The following NAALADL2 variants were observed in gnomAD, a reference collection of about 807,000 sequenced individuals.
NAALADL2 encodes inactive N-acetylated-alpha-linked acidic dipeptidase-like protein 2.
NAALADL2 carries 76 observed loss-of-function variants against 87.2 expected under a neutral mutation model. That is an observed-to-expected ratio of 0.87 (90% CI 0.72 to 1.05). NAALADL2 has a LOEUF of 1.05. NAALADL2 is among the 50% of genes least tolerant of loss of function. The probability of loss-of-function intolerance (pLI) is 0.00; values close to 1 mark genes in which losing one functional copy is unlikely to be tolerated. For synonymous variants in NAALADL2, 354 were observed against 331.0 expected (o/e 1.07, Z -0.75); for missense variants, 1,089 against 945.8 (o/e 1.15, Z -1.99).
At chr3:174,781,560 G>A (rs115750878) in intron 3 of NAALADL2, among the ~76,000 whole-genome samples, 58 of 152,006 alleles carry the variant, frequency 3.8e-4, no homozygotes, top group Non-Finnish European at 5.1e-4. Flanking sequence ...AATAAGTTCC[G>A]TAGGAATTAT....
chr3:175,121,975 G>T, intron 2 of NAALADL2, among the ~76,000 whole-genome samples: 1 of 151,652 alleles, frequency 6.6e-6, no homozygotes, highest in East Asian at 1.9e-4. Context: ...TGTCTTTACT[G>T]CCACAATGGC....
At position 175,153,534 on chromosome 3, in the gene NAALADL2, C is replaced by A. The variant is rs1580714031; in HGVS notation, c.545+56243C>A. On this transcript the variant is annotated intron_variant, in intron 2 of 13. Transcript: ENST00000454872. ...CCCTTTCTGCTGTAGGGACACTGGG[C>A]CAGCACTGATCTAACTTTTCCCACA... Among the ~76,000 whole-genome samples, 5 of 152,252 alleles carry A rather than the reference C, an allele frequency of 3.3e-5. 1 individual carries two copies. The highest frequency in any genetic ancestry group is 3.3e-4 in the Admixed American group (5 of 15,280).
At chr3:175,192,751 AT>A (rs1424165890) in intron 2 of NAALADL2, among the ~76,000 whole-genome samples, 1 of 152,064 alleles carries the variant, frequency 6.6e-6, no homozygotes, top group Admixed American at 6.6e-5. Context: ...CTCCTATCCA[AT>A]GTATACTCAT....
At chr3:174,669,918 A>G (rs917598758) in intron 2 of NAALADL2, among the ~76,000 whole-genome samples, 4 of 151,852 alleles carry the variant, frequency 2.6e-5, no homozygotes, top group African/African-American at 9.7e-5. Context: ...TCTTTCAACA[A>G]TGTTTTCTAT....
intron 11 of NAALADL2, among the ~76,000 whole-genome samples, chr3:175,633,235 C>T (rs1160763443): frequency 2.0e-5 from 3 of 152,072 alleles, no homozygotes; most frequent in Admixed American, 1.3e-4. Context: ...GCCCAATCCT[C>T]AGATCTTTGC....
intron 6 of NAALADL2, among the ~76,000 whole-genome samples, chr3:175,462,186 G>A (rs1243525112): frequency 6.6e-6 from 1 of 152,168 alleles, no homozygotes; most frequent in Non-Finnish European, 1.5e-5. Flanking sequence ...GGGAGACAGA[G>A]GGTATTGGGG....
At chr3:174,858,539 A>C (rs1726104780), upstream of NAALADL2, among the ~76,000 whole-genome samples, 1 of 152,050 alleles carries the variant, frequency 6.6e-6, no homozygotes, top group Non-Finnish European at 1.5e-5. Context: ...ACCTTGAGGC[A>C]ACTCAGGATT....
chr3:174,830,696 G>A (rs1722573417), intron 3 of NAALADL2, among the ~76,000 whole-genome samples: 2 of 152,088 alleles, frequency 1.3e-5, no homozygotes, highest in Admixed American at 6.5e-5. Flanking sequence ...ATTACCTTGG[G>A]CAGTATGGCC....
rs990034104 is a variant in NAALADL2, at chr3:175,736,374, G to A, written c.1897-932G>A. Reference sequence around the variant, plus strand: ...TCTAGAAAATTATAAAAATTAAAAAGCAATTAGGAATAGAATAAAAGCATG... The same window carrying A: ...TCTAGAAAATTATAAAAATTAAAAAACAATTAGGAATAGAATAAAAGCATG... On this transcript the variant is annotated intron_variant, in intron 11 of 13. Coordinates refer to ENST00000454872, the MANE Select transcript of NAALADL2 (RefSeq NM_207015.3). 1.2e-4 allele frequency among the ~76,000 whole-genome samples: 18 copies of A among 152,254 alleles called. 1 individual carries two copies. Among genetic ancestry groups the A allele is most frequent in the Non-Finnish European group, 2.4e-4 (16 of 68,002 alleles).
intron 2 of NAALADL2, among the ~76,000 whole-genome samples, chr3:175,126,047 C>T (rs945819872): frequency 2.0e-5 from 3 of 152,132 alleles, no homozygotes; most frequent in Non-Finnish European, 2.9e-5. Flanking sequence ...TCAAAATGCC[C>T]TTGCTATACA....
intron 4 of NAALADL2, among the ~76,000 whole-genome samples, chr3:175,295,866 G>A (rs189506490): frequency 6.6e-5 from 10 of 151,700 alleles, no homozygotes; most frequent in South Asian, 6.3e-4. Flanking sequence ...ATCATTTATC[G>A]TTCCTTGCCT....
At chr3:174,584,604 C>T (rs1489048648) in intron 2 of NAALADL2, among the ~76,000 whole-genome samples, 1 of 151,714 alleles carries the variant, frequency 6.6e-6, no homozygotes, top group Admixed American at 6.6e-5. Context: ...GGTCAGATTC[C>T]CTAGGTCTAA....
chr3:175,103,215 T>A (rs1183581970), intron 2 of NAALADL2, among the ~76,000 whole-genome samples: 2 of 152,162 alleles, frequency 1.3e-5, no homozygotes, highest in Non-Finnish European at 2.9e-5. Flanking sequence ...ATTTTAGTAA[T>A]TACTTAATAT....
At chr3:175,259,478 A>G (rs1750645125) in intron 4 of NAALADL2, among the ~76,000 whole-genome samples, 1 of 152,178 alleles carries the variant, frequency 6.6e-6, no homozygotes, top group South Asian at 2.1e-4. Context: ...GTGTTTCAGG[A>G]AAAATGAACC....
intron 1 of NAALADL2, among the ~76,000 whole-genome samples, chr3:175,049,517 C>T (rs1234455489): frequency 6.6e-6 from 1 of 152,198 alleles, no homozygotes; most frequent in Admixed American, 6.5e-5. Flanking sequence ...CCTGGCCAGC[C>T]AATGCTATCG....
chr3:175,482,371 G>A (rs571741638), intron 9 of NAALADL2, among the ~76,000 whole-genome samples: 12 of 150,326 alleles, frequency 8.0e-5, no homozygotes, highest in African/African-American at 2.7e-4. Flanking sequence ...ATATGGAACC[G>A]TAGACTGCAG....
At chr3:175,306,192 C>A (rs1473164173) in intron 4 of NAALADL2, among the ~76,000 whole-genome samples, 2 of 152,090 alleles carry the variant, frequency 1.3e-5, no homozygotes, top group East Asian at 3.8e-4. Flanking sequence ...CATTATTACA[C>A]ACACTTTTTT....
rs1453549826 is a variant in NAALADL2, at chr3:175,732,902, G to A, written c.1897-4404G>A. 4.0e-5 allele frequency among the ~76,000 whole-genome samples: 6 copies of A among 151,708 alleles called. No individual in the cohort carries two copies. The South Asian group carries it at 8.3e-4, about 21-fold the overall frequency. On this transcript the variant is annotated intron_variant, in intron 11 of 13. Coordinates refer to ENST00000454872, the MANE Select transcript of NAALADL2 (RefSeq NM_207015.3). ...GGAACAACACACGCTGGGGTCTGTC[G>A]GGGGGTAGGGTGGTGGGAGGGGAGA...
At chr3:174,943,086 C>G (rs1738856988) in intron 1 of NAALADL2, among the ~76,000 whole-genome samples, 1 of 152,142 alleles carries the variant, frequency 6.6e-6, no homozygotes, top group Admixed American at 6.6e-5. Context: ...TTGGTGTGGT[C>G]AGTTGGAAGA....
Sources: allele counts gnomAD v4.1 joint callset (sites outside exome capture counted in the v4.1 genomes callset), GRCh38; gene constraint gnomAD v4.1.1; transcripts MANE v1.5; gene names NCBI Gene and HGNC (gene_info 2026-07-23, HGNC 2026-07-21).